The following LRRTM4 variants were observed in gnomAD, a reference collection of about 807,000 sequenced individuals.
LRRTM4 encodes leucine-rich repeat transmembrane neuronal protein 4.
Under a neutral mutation model 47.6 loss-of-function variants are expected in LRRTM4, and 25 were observed. The ratio of observed to expected loss-of-function variants is 0.53; its 90% CI spans 0.38 to 0.73. The LOEUF is 0.73. Among genes scored for constraint, LRRTM4 ranks in the 30% least tolerant of loss-of-function variants. The pLI is 0.00. For synonymous variants in LRRTM4, 311 were observed against 269.5 expected (o/e 1.15, Z -1.51); for missense variants, 638 against 713.4 (o/e 0.89, Z 1.20).
rs531834521 is a variant in LRRTM4 at position 77,184,574 on chromosome 2, A to G, written c.1551+333744T>C. On this transcript the variant is annotated intron_variant, in intron 3 of 3. Coordinates refer to ENST00000409884, the MANE Select transcript of LRRTM4 (RefSeq NM_001134745.3). ...CAATGCCAACAATAATATTCAAATA[A>G]TAAGGATTCTACATAAAGCCTTTCC... Among the ~76,000 whole-genome samples the G allele has an allele frequency of 4.7e-4, 72 of 152,284 alleles. 1 individual carries two copies. In the South Asian group the frequency reaches 0.014, roughly 30 times the overall value.
At position 77,361,417 on chromosome 2, in the gene LRRTM4, G is replaced by T. The variant is rs116222295; in HGVS notation, c.1551+156901C>A. Among the ~76,000 whole-genome samples, 395 of 152,092 alleles carry T rather than the reference G, an allele frequency of 2.6e-3. 2 individuals are homozygous for T. The highest frequency in any genetic ancestry group is 8.3e-3 in the African/African-American group (343 of 41,496). On this transcript the variant is annotated intron_variant, in intron 3 of 3. Coordinates refer to ENST00000409884, the MANE Select transcript of LRRTM4 (RefSeq NM_001134745.3). ...TTCCTGTTGCTTTCTAAGACATTGT[G>T]CTATTTTGATCGTCTTCATTCGCTT...
chr2:77,474,913 C>G (rs1489963466), intron 3 of LRRTM4, among the ~76,000 whole-genome samples: 1 of 152,026 alleles, frequency 6.6e-6, no homozygotes, highest in Non-Finnish European at 1.5e-5. Flanking sequence ...TAGTTGTCGA[C>G]TGCCAGGCAG....
intron 3 of LRRTM4, among the ~76,000 whole-genome samples, chr2:76,885,761 G>A (rs926832146): frequency 2.6e-5 from 4 of 151,884 alleles, no homozygotes; most frequent in African/African-American, 4.8e-5. Flanking sequence ...CACCGCGCCC[G>A]GCCAAAAACA....
At chr2:77,438,328 G>A (rs1421655987) in intron 3 of LRRTM4, among the ~76,000 whole-genome samples, 1 of 150,802 alleles carries the variant, frequency 6.6e-6, no homozygotes, top group Non-Finnish European at 1.5e-5. Context: ...GAAGAGGGTG[G>A]AAATAATAGT....
intron 3 of LRRTM4, among the ~76,000 whole-genome samples, chr2:76,801,073 A>T (rs944109729): frequency 1.3e-5 from 2 of 150,692 alleles, no homozygotes; most frequent in African/African-American, 4.9e-5. Context: ...TGGGACTGTA[A>T]ACTAGTTCGA....
At chr2:77,254,336 G>A (rs1573149738) in intron 3 of LRRTM4, among the ~76,000 whole-genome samples, 1 of 151,812 alleles carries the variant, frequency 6.6e-6, no homozygotes, top group Non-Finnish European at 1.5e-5. Context: ...AGGAATATCA[G>A]CAATTCTTGA....
chr2:77,475,966 C>T (rs1222346164), intron 3 of LRRTM4, among the ~76,000 whole-genome samples: 1 of 151,914 alleles, frequency 6.6e-6, no homozygotes, highest in Non-Finnish European at 1.5e-5. Context: ...AATAAAATAA[C>T]TATATTATTT....
chr2:76,820,679 T>C (rs1671028330), intron 3 of LRRTM4, among the ~76,000 whole-genome samples: 1 of 151,690 alleles, frequency 6.6e-6, no homozygotes, highest in South Asian at 2.1e-4. Context: ...TCATCAATGA[T>C]CATAAAAATT....
intron 3 of LRRTM4, among the ~76,000 whole-genome samples, chr2:77,456,797 G>A (rs1436166483): frequency 4.6e-5 from 7 of 151,404 alleles, no homozygotes; most frequent in African/African-American, 1.7e-4. Flanking sequence ...ACATTTATCA[G>A]TTATTTACAG....
intron 3 of LRRTM4, among the ~76,000 whole-genome samples, chr2:76,810,457 T>C (rs1670700296): frequency 6.6e-6 from 1 of 152,188 alleles, no homozygotes; most frequent in Non-Finnish European, 1.5e-5. Flanking sequence ...CTCTTATGTT[T>C]TTGATTTGCT....
At chr2:77,339,429 A>T (rs1671288335) in intron 3 of LRRTM4, among the ~76,000 whole-genome samples, 1 of 152,012 alleles carries the variant, frequency 6.6e-6, no homozygotes, top group South Asian at 2.1e-4. Flanking sequence ...TAATTCTATA[A>T]AGCCACCACA....
chr2:77,504,582 A>C (rs1294168471), intron 3 of LRRTM4, among the ~76,000 whole-genome samples: 2 of 151,646 alleles, frequency 1.3e-5, no homozygotes, highest in Non-Finnish European at 3.0e-5. Context: ...AAATCTGTAG[A>C]TCTTTAGCCA....
intron 3 of LRRTM4, among the ~76,000 whole-genome samples, chr2:77,483,391 A>G (rs1677791598): frequency 6.6e-6 from 1 of 152,034 alleles, no homozygotes; most frequent in South Asian, 2.1e-4. Flanking sequence ...CCCATGCTGG[A>G]GTGCAATGGT....
chr2:77,166,595 T>G (rs1280682407), intron 3 of LRRTM4, among the ~76,000 whole-genome samples: 1 of 152,124 alleles, frequency 6.6e-6, no homozygotes, highest in Non-Finnish European at 1.5e-5. Flanking sequence ...ATGGCACTGG[T>G]ACCAAAACAG....
At chr2:77,003,902 AG>A (rs1677532832) in intron 3 of LRRTM4, among the ~76,000 whole-genome samples, 1 of 152,210 alleles carries the variant, frequency 6.6e-6, no homozygotes, top group Non-Finnish European at 1.5e-5. Flanking sequence ...AATAAAATCC[AG>A]GCTGAGGTGG....
intron 3 of LRRTM4, among the ~76,000 whole-genome samples, chr2:77,003,290 A>G (rs893402990): frequency 2.0e-5 from 3 of 151,748 alleles, no homozygotes; most frequent in Non-Finnish European, 4.4e-5. Context: ...TTTCATTATT[A>G]TTATAATAAA....
chr2:76,898,419 G>C (rs375551399), intron 3 of LRRTM4, among the ~76,000 whole-genome samples: 1 of 151,756 alleles, frequency 6.6e-6, no homozygotes, highest in Non-Finnish European at 1.5e-5. Context: ...GAGTAATCTC[G>C]AAACATTTAT....
At chr2:76,813,211 T>C (rs549081779) in intron 3 of LRRTM4, among the ~76,000 whole-genome samples, 1 of 152,238 alleles carries the variant, frequency 6.6e-6, no homozygotes, top group East Asian at 1.9e-4. Flanking sequence ...AATACATGTA[T>C]ATGTGTATAT....
chr2:77,326,071 G>A (rs10193607), intron 3 of LRRTM4, among the ~76,000 whole-genome samples: 25,595 of 152,156 alleles, frequency 0.17, 2,658 homozygotes, highest in East Asian at 0.42. Flanking sequence ...TTTATCTGGA[G>A]GAAAGGAGCC....
Sources: gnomAD v4.1 joint callset for allele counts (sites outside exome capture counted in the v4.1 genomes callset) on GRCh38, gnomAD v4.1.1 for gene constraint, MANE v1.5 for transcripts, NCBI Gene and HGNC (gene_info 2026-07-23, HGNC 2026-07-21) for gene names.